Variants in ZNF385B observed in about 807,000 individuals in gnomAD.
ZNF385B encodes zinc finger protein 385B, also known as zinc finger protein 533.
Under a neutral mutation model 39.2 loss-of-function variants are expected in ZNF385B, and 23 were observed. The observed-to-expected ratio is 0.59, with a 90% confidence interval of 0.42 to 0.83. ZNF385B has a LOEUF of 0.83. ZNF385B is among the 40% of genes least tolerant of loss of function. The probability of loss-of-function intolerance (pLI) is 0.00; values close to 1 mark genes in which losing one functional copy is unlikely to be tolerated. For missense variants in ZNF385B, 552 were observed against 598.9 expected (o/e 0.92, Z 0.82); for synonymous variants, 205 against 222.6 (o/e 0.92, Z 0.70).
chr2:179,448,192 A>G (rs1050349426), intron 6 of ZNF385B, among the ~76,000 whole-genome samples: 1 of 152,112 alleles, frequency 6.6e-6, no homozygotes, highest in Non-Finnish European at 1.5e-5. Flanking sequence ...GACTTTTATT[A>G]AACTGACCTG....
chr2:179,755,978 A>G (rs1445836390), intron 3 of ZNF385B, among the ~76,000 whole-genome samples: 2 of 152,110 alleles, frequency 1.3e-5, no homozygotes, highest in African/African-American at 2.4e-5. Flanking sequence ...TGTCATTATG[A>G]TGTTAGCTGG....
chr2:179,833,236 A>G (rs913495692), intron 1 of ZNF385B, among the ~76,000 whole-genome samples: 2 of 152,156 alleles, frequency 1.3e-5, no homozygotes, highest in East Asian at 3.8e-4. Context: ...AAATGTGCCC[A>G]TATTTTGACT....
chr2:179,651,645 C>T (rs1373840292), intron 3 of ZNF385B, among the ~76,000 whole-genome samples: 1 of 152,000 alleles, frequency 6.6e-6, no homozygotes, highest in Non-Finnish European at 1.5e-5. Context: ...AAAAATAAAA[C>T]CCCAAATTCC....
chr2:179,581,168 G>C (rs368046308), intron 3 of ZNF385B, among the ~76,000 whole-genome samples: 21 of 152,266 alleles, frequency 1.4e-4, no homozygotes, highest in Middle Eastern at 3.4e-3. Flanking sequence ...GAGTAGACAG[G>C]AGCAAAATTA....
intron 3 of ZNF385B, among the ~76,000 whole-genome samples, chr2:179,756,666 C>A (rs1381358561): frequency 6.7e-6 from 1 of 148,506 alleles, no homozygotes; most frequent in African/African-American, 2.4e-5. Context: ...ACCTTCGAGG[C>A]TTTGTTTGTT....
intron 4 of ZNF385B, among the ~76,000 whole-genome samples, chr2:179,537,254 A>G (rs1026975464): frequency 6.7e-6 from 1 of 149,902 alleles, no homozygotes; most frequent in African/African-American, 2.5e-5. Context: ...GTGAGCCAAG[A>G]TTGTGCCATT....
chr2:179,554,245 G>A (rs1205712460), intron 3 of ZNF385B, among the ~76,000 whole-genome samples: 2 of 149,122 alleles, frequency 1.3e-5, no homozygotes, highest in Non-Finnish European at 3.0e-5. Flanking sequence ...ACCATAAACG[G>A]CAGGGGTCAT....
rs1309244616 is a variant in ZNF385B at position 179,477,636 on chromosome 2, C to T, written c.715+5636G>A. Among the ~76,000 whole-genome samples the T allele has an allele frequency of 2.0e-5, 3 of 152,164 alleles. No individual in the cohort carries two copies. The East Asian group carries it at 5.8e-4, about 29-fold the overall frequency. ...TTTGGAGGCAGGGCATGCCTTCTAACATGCTGCAATGCCCTGTCTCAGTGT... is the reference window on the plus strand; with the variant it reads ...TTTGGAGGCAGGGCATGCCTTCTAATATGCTGCAATGCCCTGTCTCAGTGT... On this transcript the variant is annotated intron_variant, in intron 6 of 9. Transcript: ENST00000410066.
chr2:179,735,994 A>C (rs1207828445), intron 3 of ZNF385B, among the ~76,000 whole-genome samples: 1 of 150,876 alleles, frequency 6.6e-6, no homozygotes, highest in Non-Finnish European at 1.5e-5. Context: ...TAACCTGCAC[A>C]ATGTGCACAT....
intron 3 of ZNF385B, among the ~76,000 whole-genome samples, chr2:179,597,977 G>C (rs949432186): frequency 6.6e-6 from 1 of 152,018 alleles, no homozygotes; most frequent in Non-Finnish European, 1.5e-5. Flanking sequence ...AGAAAATCTT[G>C]AAATAATTCC....
Position 179,861,456 on chromosome 2 carries a change from C to T in ZNF385B, c.-510G>A, listed in dbSNP as rs899054665. The T allele has an allele frequency of 5.9e-5, 9 of 151,790 alleles. No homozygotes were observed. The highest frequency in any genetic ancestry group is 4.0e-4 in the Admixed American group (6 of 15,168). The allele number at this position is 151,790 out of a possible 1,614,324, so 9.4% of individuals were successfully genotyped here. On this transcript the variant is annotated 5_prime_UTR_variant, in exon 1 of 10. Coordinates refer to ENST00000410066, the MANE Select transcript of ZNF385B (RefSeq NM_152520.6). ...CGCGCCCGGCCCGGCCCGGCCCCGCCGCACGCCCGCCCCCCTGGCCTGGCC... is the reference window on the plus strand; with the variant it reads ...CGCGCCCGGCCCGGCCCGGCCCCGCTGCACGCCCGCCCCCCTGGCCTGGCC...
chr2:179,576,902 C>T (rs1685889786), intron 3 of ZNF385B, among the ~76,000 whole-genome samples: 1 of 152,088 alleles, frequency 6.6e-6, no homozygotes, highest in Non-Finnish European at 1.5e-5. Context: ...ATCTCTGCTG[C>T]ACTGTTTGCC....
chr2:179,608,010 G>A (rs1207484671), intron 3 of ZNF385B, among the ~76,000 whole-genome samples: 1 of 149,280 alleles, frequency 6.7e-6, no homozygotes, highest in African/African-American at 2.5e-5. Flanking sequence ...TGCCTCCTGG[G>A]TTTGAGCGAT....
At chr2:179,859,253 C>A (rs971139746) in intron 1 of ZNF385B, among the ~76,000 whole-genome samples, 1 of 152,086 alleles carries the variant, frequency 6.6e-6, no homozygotes, top group Non-Finnish European at 1.5e-5. Flanking sequence ...GAGACACCTC[C>A]GTTTGGTTTC....
At chr2:179,518,871 C>T (rs556900029) in intron 4 of ZNF385B, among the ~76,000 whole-genome samples, 8 of 152,190 alleles carry the variant, frequency 5.3e-5, no homozygotes, top group South Asian at 2.1e-4. Flanking sequence ...GAAAAAACCA[C>T]GAGAGAATCA....
intron 3 of ZNF385B, among the ~76,000 whole-genome samples, chr2:179,744,133 T>C (rs1439286773): frequency 6.6e-6 from 1 of 152,040 alleles, no homozygotes; most frequent in Admixed American, 6.6e-5. Flanking sequence ...AACATAACTA[T>C]TTGGATGTCA....
At chr2:179,568,403 C>A (rs1200272732) in intron 3 of ZNF385B, among the ~76,000 whole-genome samples, 1 of 152,202 alleles carries the variant, frequency 6.6e-6, no homozygotes, top group Non-Finnish European at 1.5e-5. Context: ...AAACTATATT[C>A]CCAGTTTCTA....
At chr2:179,470,478 G>A (rs531139248) in intron 6 of ZNF385B, among the ~76,000 whole-genome samples, 23 of 150,862 alleles carry the variant, frequency 1.5e-4, no homozygotes, top group Non-Finnish European at 3.1e-4. Context: ...TTTGTGATAT[G>A]GTTTGGCCCC....
At chr2:179,789,892 A>G (rs1265536721) in intron 1 of ZNF385B, among the ~76,000 whole-genome samples, 1 of 152,206 alleles carries the variant, frequency 6.6e-6, no homozygotes, top group Non-Finnish European at 1.5e-5. Flanking sequence ...GCCTCTCATG[A>G]ACCAGTAATG....
Sources: allele counts gnomAD v4.1 joint callset (sites outside exome capture counted in the v4.1 genomes callset), GRCh38; gene constraint gnomAD v4.1.1; transcripts MANE v1.5; gene names NCBI Gene and HGNC (gene_info 2026-07-23, HGNC 2026-07-21).